Variants in TESK2 observed in about 807,000 individuals in gnomAD.
TESK2 encodes the protein dual specificity testis-specific protein kinase 2.
Under a neutral mutation model 57.1 loss-of-function variants are expected in TESK2, and 39 were observed. The ratio of observed to expected loss-of-function variants is 0.68; its 90% confidence interval spans 0.53 to 0.89. The LOEUF (loss-of-function observed/expected upper bound fraction) is 0.89, where lower values mean the gene tolerates loss of function less well. TESK2 is among the 40% of genes least tolerant of loss of function. TESK2 has a pLI of 0.00. For missense variants in TESK2, 646 were observed against 732.1 expected, an observed-to-expected ratio of 0.88 and a Z score of 1.36; for synonymous variants, 249 against 267.9, an observed-to-expected ratio of 0.93 and a Z score of 0.69.
At chr1:45,365,661 G>A (rs930214313) in intron 4 of TESK2, among the ~76,000 whole-genome samples, 2 of 148,356 alleles carry the variant, frequency 1.3e-5, no homozygotes, top group African/African-American at 5.0e-5. Context: ...TTACAGGCGT[G>A]CACCACCACG....
intron 1 of TESK2, among the ~76,000 whole-genome samples, chr1:45,465,282 G>A (rs1652498351): frequency 2.0e-5 from 3 of 151,722 alleles, no homozygotes; most frequent in Admixed American, 1.3e-4. Context: ...ATGGTGGTGT[G>A]CACCTGTAGT....
chr1:45,432,549 G>A (rs1312247178), intron 2 of TESK2, among the ~76,000 whole-genome samples: 1 of 150,508 alleles, frequency 6.6e-6, no homozygotes, highest in Non-Finnish European at 1.5e-5. Context: ...AAATTAGCCG[G>A]GCATGGTGGC....
intron 3 of TESK2, among the ~76,000 whole-genome samples, chr1:45,419,800 C>A (rs1650391727): frequency 6.6e-6 from 1 of 151,680 alleles, no homozygotes; most frequent in African/African-American, 2.4e-5. Context: ...GAGTGAAACT[C>A]CGTCTCAAAA....
intron 4 of TESK2, among the ~76,000 whole-genome samples, chr1:45,359,329 G>A (rs1277244622): frequency 1.3e-5 from 2 of 152,172 alleles, no homozygotes; most frequent in African/African-American, 4.8e-5. Context: ...GGAGGCCAAG[G>A]CGGGCAGATC....
At chr1:45,402,092 A>G (rs1557559069) in intron 3 of TESK2, among the ~76,000 whole-genome samples, 1 of 146,132 alleles carries the variant, frequency 6.8e-6, no homozygotes, top group Non-Finnish European at 1.5e-5. Flanking sequence ...AAAAAAAAAG[A>G]AAAGAAAAGA....
chr1:45,345,218 G>A lies in TESK2; in HGVS notation c.1338C>T (p.Pro446=). 6.2e-7 allele frequency: 1 copy of A among 1,614,178 alleles called. No homozygotes were observed. Among genetic ancestry groups the A allele is most frequent in the Non-Finnish European group, 8.5e-7 (1 of 1,180,030 alleles). The part of the protein sequence containing the change: ...GTMPLADWQE[P]LAPPIRRWRS... ...GCCACCGGCGAATAGGTGGGGCCAG[G>A]GGCTCCTGCCAGTCAGCCAGGGGCA... Residue 446 remains proline, a synonymous_variant, in exon 11 of 11, where the codon CCC becomes CCT. Transcript: ENST00000372086.
chr1:45,437,048 G>A (rs1157245611), intron 2 of TESK2, among the ~76,000 whole-genome samples: 1 of 152,056 alleles, frequency 6.6e-6, no homozygotes, highest in Non-Finnish European at 1.5e-5. Context: ...ACCCACCTTG[G>A]CCTCCCAAAG....
chr1:45,458,241 G>C (rs1652191466), intron 1 of TESK2, among the ~76,000 whole-genome samples: 1 of 152,122 alleles, frequency 6.6e-6, no homozygotes, highest in Non-Finnish European at 1.5e-5. Context: ...ATTTCACAGA[G>C]AGATCAAGAA....
chr1:45,476,331 G>T (rs1345292745), intron 1 of TESK2, among the ~76,000 whole-genome samples: 1 of 151,842 alleles, frequency 6.6e-6, no homozygotes, highest in East Asian at 1.9e-4. Context: ...AACATGAGGA[G>T]ACTTTGTCTC....
At position 45,402,893 on chromosome 1, in the gene TESK2, C is replaced by A. The variant is rs955237544; in HGVS notation, c.345-16933G>T. 1.3e-5 allele frequency among the ~76,000 whole-genome samples: 2 copies of A among 151,928 alleles called. 1 individual carries two copies. Among genetic ancestry groups the A allele is most frequent in the South Asian group, 4.1e-4 (2 of 4,824 alleles). On this transcript the variant is annotated intron_variant, in intron 3 of 10. Transcript: ENST00000372086. ...TACCAGACTCCACTAACCTTTAACACGTAGCACAAAATAAATTGCTTTGCA... is the reference window on the plus strand; with the variant it reads ...TACCAGACTCCACTAACCTTTAACAAGTAGCACAAAATAAATTGCTTTGCA...
In TESK2 at chr1:45,490,364, G is replaced by T. The variant is rs375447122; in HGVS notation, c.-87+488C>A. On this transcript the variant is annotated intron_variant, in intron 1 of 10. Transcript: ENST00000372086. The stretch of plus-strand genomic sequence containing the variant: ...GGGAAAGGAAGGGAGACGATGACAA[G>T]CGAGGAAAGAAGAGGGGGAAGGCAG... 2.0e-5 allele frequency among the ~76,000 whole-genome samples: 3 copies of T among 152,278 alleles called. No homozygotes were observed. The East Asian group carries it at 5.8e-4, about 29-fold the overall frequency.
intron 4 of TESK2, 67 bp downstream of exon 4, chr1:45,385,845 T>C: frequency 8.3e-7 from 1 of 1,209,552 alleles, no homozygotes; most frequent in Non-Finnish European, 1.2e-6. Flanking sequence ...CAAGCAACAC[T>C]TACTATGGAA....
chr1:45,447,122 C>A (rs1651677434), intron 2 of TESK2, among the ~76,000 whole-genome samples: 1 of 152,108 alleles, frequency 6.6e-6, no homozygotes, highest in South Asian at 2.1e-4. Flanking sequence ...GAGGCTGAAG[C>A]AAGAAGATCT....
At chr1:45,472,280 G>A (rs1424957506) in intron 1 of TESK2, among the ~76,000 whole-genome samples, 5 of 142,172 alleles carry the variant, frequency 3.5e-5, no homozygotes, top group African/African-American at 5.2e-5. Flanking sequence ...GTTCAAGTCC[G>A]GGCACCGTGG....
intron 1 of TESK2, among the ~76,000 whole-genome samples, chr1:45,468,231 A>G (rs1652634016): frequency 6.6e-6 from 1 of 151,938 alleles, no homozygotes. Context: ...TAGTGTAGAG[A>G]CCCTATCACA....
In TESK2 at chr1:45,448,251, A is replaced by G. The variant is rs1176061976; in HGVS notation, c.222+9313T>C. Among the ~76,000 whole-genome samples, 24 of 149,776 alleles carry G rather than the reference A, an allele frequency of 1.6e-4. 1 individual carries two copies. The highest frequency in any genetic ancestry group is 1.6e-3 in the Admixed American group (24 of 14,988). On this transcript the variant is annotated intron_variant, in intron 2 of 10. Coordinates refer to ENST00000372086, the MANE Select transcript of TESK2 (RefSeq NM_007170.3). ...AGACCCTGTCTCAAAAAAAAAAAAA[A>G]AAAAGAAAAAAGAAAAAGAAAACAA...
At chr1:45,476,636 AG>A (rs1214192724) in intron 1 of TESK2, among the ~76,000 whole-genome samples, 5 of 151,744 alleles carry the variant, frequency 3.3e-5, no homozygotes, top group African/African-American at 1.2e-4. Context: ...TCACAAGGTC[AG>A]GAGATCAAGG....
At chr1:45,374,944 T>C (rs529011797) in intron 4 of TESK2, among the ~76,000 whole-genome samples, 2 of 152,292 alleles carry the variant, frequency 1.3e-5, no homozygotes, top group East Asian at 3.9e-4. Flanking sequence ...GAAAGCCTAT[T>C]TGTTTGTTTT....
At chr1:45,452,990 C>T (rs1651928929) in intron 2 of TESK2, among the ~76,000 whole-genome samples, 1 of 151,510 alleles carries the variant, frequency 6.6e-6, no homozygotes, top group Non-Finnish European at 1.5e-5. Flanking sequence ...AGGATGCAGT[C>T]AGCTATGATC....
Sources: gnomAD v4.1 joint callset for allele counts (sites outside exome capture counted in the v4.1 genomes callset) on GRCh38, gnomAD v4.1.1 for gene constraint, MANE v1.5 for transcripts, NCBI Gene and HGNC (gene_info 2026-07-23, HGNC 2026-07-21) for gene names.